The following WDR62 variants were observed in gnomAD, a reference collection of about 807,000 sequenced individuals.
WDR62 encodes WD repeat domain 62.
WDR62 carries 112 observed loss-of-function variants against 160.6 expected under a neutral mutation model. The ratio of observed to expected loss-of-function variants is 0.70; its 90% confidence interval spans 0.60 to 0.82. The LOEUF is 0.82. Ranked by LOEUF, WDR62 falls within the 40% of genes least tolerant of loss-of-function variation. The pLI, the probability that WDR62 is intolerant of heterozygous loss-of-function variation, is 0.00. For missense variants in WDR62, 1,819 were observed against 1,983.8 expected (o/e 0.92, Z 1.58); for synonymous variants, 792 against 815.1 (o/e 0.97, Z 0.48).
intron 9 of WDR62, among the ~76,000 whole-genome samples, chr19:36,077,709 C>T (rs766418716): frequency 3.3e-5 from 5 of 152,030 alleles, no homozygotes; most frequent in Non-Finnish European, 7.4e-5. Context: ...TATTCCCATG[C>T]TTCAGTCTCT....
intron 11 of WDR62, 27 bp downstream of exon 11, chr19:36,083,268 G>A (rs768609763): frequency 6.4e-7 from 1 of 1,573,570 alleles, no homozygotes; most frequent in Admixed American, 1.8e-5. Context: ...AGTGTCCAGT[G>A]TACACCTCCC....
At chr19:36,076,349 C>T (rs1364352339) in intron 9 of WDR62, among the ~76,000 whole-genome samples, 1 of 151,868 alleles carries the variant, frequency 6.6e-6, no homozygotes, top group South Asian at 2.1e-4. Context: ...CCCGAGCCCA[C>T]GAGTTTGAGA....
In WDR62 at chr19:36,065,241, C is replaced by T. The variant is rs1203387501; in HGVS notation, c.333-717C>T. Among the ~76,000 whole-genome samples, 3 of 152,312 alleles carry T rather than the reference C, an allele frequency of 2.0e-5. No individual in the cohort carries two copies. In the East Asian group the frequency reaches 5.8e-4, roughly 29 times the overall value. On this transcript the variant is annotated intron_variant, in intron 3 of 31. Transcript: ENST00000401500. ...CAGGTTGACTTGATGATGAATATTC[C>T]ATGAAGTTGCCAAAGTCTCACTTAG...
In WDR62 at chr19:36,091,202, C is replaced by A; in HGVS notation, c.2037C>A (p.Val679=). Reference sequence around the variant, plus strand: ...CATGTGGGTCCCTTTCCTGGCAGGTCCATGTGGACCCCTCAGGCACCTTCC... The same window carrying A: ...CATGTGGGTCCCTTTCCTGGCAGGTACATGTGGACCCCTCAGGCACCTTCC... ...SQGDEGSLLK[V]HVDPSGTFLA... The change falls in exon 17 of 32, where the codon GTC becomes GTA. Residue 679 remains valine, a splice_region_variant and synonymous_variant. Coordinates refer to ENST00000401500, the MANE Select transcript of WDR62 (RefSeq NM_001083961.2). The A allele has an allele frequency of 6.2e-7, 1 of 1,612,284 alleles. No homozygotes were observed. Among genetic ancestry groups the A allele is most frequent in the Non-Finnish European group, 8.5e-7 (1 of 1,179,898 alleles).
intron 9 of WDR62, among the ~76,000 whole-genome samples, chr19:36,078,353 G>A (rs984391156): frequency 1.1e-4 from 16 of 151,068 alleles, no homozygotes; most frequent in East Asian, 2.0e-4. Flanking sequence ...TCGCCGTGTT[G>A]GCCAGGTTGG....
chr19:36,100,938 TG>T, intron 23 of WDR62, 63 bp downstream of exon 23: 3 of 1,611,318 alleles, frequency 1.9e-6, no homozygotes, highest in Non-Finnish European at 2.5e-6. Context: ...AGCTGCATCC[TG>T]GAAGAAGTGC....
Position 36,104,935 on chromosome 19 carries a change from G to A in WDR62, c.4479G>A (p.Leu1493=), listed in dbSNP as rs1381365096. The A allele has an allele frequency of 1.2e-6, 2 of 1,608,372 alleles. No homozygotes were observed. The highest frequency in any genetic ancestry group is 3.3e-5 in the Admixed American group (2 of 59,780). Residue 1493 remains leucine, a synonymous_variant, in exon 32 of 32, where the codon CTG becomes CTA. Coordinates refer to ENST00000401500, the MANE Select transcript of WDR62 (RefSeq NM_001083961.2). Reference sequence around the variant, plus strand: ...CAGGACCCCCGTCCCCACCGACGCTGTACCCCCTGGCCAGCCCAGACCTGC... The same window carrying A: ...CAGGACCCCCGTCCCCACCGACGCTATACCCCCTGGCCAGCCCAGACCTGC... The part of the protein sequence containing the change: ...PSPGPPSPPT[L]YPLASPDLQA...
intron 7 of WDR62, among the ~76,000 whole-genome samples, chr19:36,069,908 G>C (rs1043756439): frequency 3.3e-5 from 5 of 152,034 alleles, no homozygotes; most frequent in Admixed American, 1.3e-4. Context: ...TGAGGCAGGA[G>C]AATCAGGCAG....
chr19:36,091,938 T>C (rs1972638643), intron 18 of WDR62, among the ~76,000 whole-genome samples: 1 of 151,898 alleles, frequency 6.6e-6, no homozygotes. Flanking sequence ...TATTTTCTTG[T>C]CACCTTGAGC....
chr19:36,102,294 C>A, intron 26 of WDR62, 143 bp downstream of exon 26: 1 of 1,240,632 alleles, frequency 8.1e-7, no homozygotes, highest in Non-Finnish European at 1.2e-6. Context: ...CGGAGTCTCG[C>A]TCTGTTGCCA....
chr19:36,109,188 G>T (rs1973761481), downstream of WDR62, among the ~76,000 whole-genome samples: 1 of 152,158 alleles, frequency 6.6e-6, no homozygotes, highest in South Asian at 2.1e-4. Flanking sequence ...GCCTTGTACA[G>T]ATGTCCCCCT....
chr19:36,099,384 C>CTAG lies in WDR62; in HGVS notation c.2521-15_2521-14insTAG. The CTAG allele has an allele frequency of 6.2e-7, 1 of 1,611,404 alleles. No individual in the cohort carries two copies. The highest frequency in any genetic ancestry group is 1.1e-5 in the South Asian group (1 of 90,970). ...AGCACTCAGCCAGTTGCCTGACTGT[C>CTAG]CGATATCCTTCAAGCTAGGGGACGA... is the stretch of plus-strand genomic sequence containing the variant. On this transcript the variant is annotated splice_polypyrimidine_tract_variant and intron_variant, in intron 21 of 31. Transcript: ENST00000401500.
chr19:36,103,848 C>A lies in WDR62; in HGVS notation c.4020C>A (p.His1340Gln). The A allele has an allele frequency of 6.2e-7, 1 of 1,604,454 alleles. No individual in the cohort carries two copies. The highest frequency in any genetic ancestry group is 8.5e-7 in the Non-Finnish European group (1 of 1,179,742). ...TGGAAGAGAGCGCCCTGAGGCTCCA[C>A]GGCTCTGCCTTTCGCCCAAGTCTCC... ...SPVEESALRL[H>Q]GSAFRPSLPA... The change falls in exon 30 of 32, where the codon CAC becomes CAA. Residue 1340 changes from histidine (H) to glutamine (Q), a missense_variant. Coordinates refer to ENST00000401500, the MANE Select transcript of WDR62 (RefSeq NM_001083961.2).
At chr19:36,065,613 A>G (rs911283716) in intron 3 of WDR62, among the ~76,000 whole-genome samples, 1 of 152,214 alleles carries the variant, frequency 6.6e-6, no homozygotes, top group Non-Finnish European at 1.5e-5. Flanking sequence ...CCAGGCCTGT[A>G]CCATTTCCTG....
In WDR62 at chr19:36,060,114, A is replaced by G. The variant is rs1970571636; in HGVS notation, c.332+84A>G. 13 of 1,353,806 alleles carry G rather than the reference A, an allele frequency of 9.6e-6. No homozygotes were observed. The South Asian group carries it at 1.4e-4, about 15-fold the overall frequency. The allele number at this position is 1,353,806 out of a possible 1,614,324, so 83.9% of individuals were successfully genotyped here. Reference sequence around the variant, plus strand: ...TCCCCTACACAGCCTGGAGATACTCATGGGTAGGTGCTCACTCATTCACTT... The same window carrying G: ...TCCCCTACACAGCCTGGAGATACTCGTGGGTAGGTGCTCACTCATTCACTT... On this transcript the variant is annotated intron_variant, in intron 3 of 31. Transcript: ENST00000401500.
chr19:36,096,715 AAAG>A (rs1009016861), intron 20 of WDR62, among the ~76,000 whole-genome samples: 8 of 151,386 alleles, frequency 5.3e-5, no homozygotes, highest in Non-Finnish European at 5.9e-5. Flanking sequence ...CGTCTCAAAA[AAAG>A]AAAAAAAAAG....
Position 36,084,654 on chromosome 19 carries a change from A to C in WDR62, c.1552A>C (p.Ile518Leu). The C allele has an allele frequency of 6.2e-7, 1 of 1,613,670 alleles. No individual in the cohort carries two copies. Among genetic ancestry groups the C allele is most frequent in the Non-Finnish European group, 8.5e-7 (1 of 1,179,954 alleles). ...CAGCGGGCGGTGTGTGTCTCCCAGG[A>C]TCCACGAGCTGCACTTCATGGACGA... ...ASGDRSGNLR[I>L]HELHFMDELV... The change falls in exon 12 of 32, where the codon ATC becomes CTC. Residue 518 changes from isoleucine (I) to leucine (L), a missense_variant and splice_region_variant. Physicochemically the swap from Ile to Leu is conservative, Grantham distance 5. Transcript: ENST00000401500.
chr19:36,057,350 C>T (rs987649593), intron 1 of WDR62, among the ~76,000 whole-genome samples: 1 of 152,038 alleles, frequency 6.6e-6, no homozygotes, highest in African/African-American at 2.4e-5. Context: ...GTTGATCTGT[C>T]TTGCAAAGAC....
chr19:36,110,518 TGGGA>T, the WDR62 span, among the ~76,000 whole-genome samples: 1 of 152,048 alleles, frequency 6.6e-6, no homozygotes, highest in African/African-American at 2.4e-5. Context: ...TTCCAGACTG[TGGGA>T]GGGAGGAAGA....
Sources: allele counts gnomAD v4.1 joint callset (sites outside exome capture counted in the v4.1 genomes callset), GRCh38; gene constraint gnomAD v4.1.1; transcripts MANE v1.5; gene names NCBI Gene and HGNC (gene_info 2026-07-23, HGNC 2026-07-21).